Variants in TRIM67 observed in about 807,000 individuals in gnomAD.
The protein encoded by TRIM67 is tripartite motif containing 67, also known as tripartite motif-containing protein 67.
Under a neutral mutation model 71.0 loss-of-function variants are expected in TRIM67, and 39 were observed. That is an observed-to-expected ratio of 0.55 (90% confidence interval 0.43 to 0.72). The LOEUF is 0.72. Among genes scored for constraint, TRIM67 ranks in the 30% least tolerant of loss-of-function variants. The pLI, the probability that TRIM67 is intolerant of heterozygous loss-of-function variation, is 0.00. For synonymous variants in TRIM67, 481 were observed against 473.9 expected (o/e 1.01, Z -0.19); for missense variants, 973 against 1,079.2 (o/e 0.90, Z 1.38).
chr1:231,219,656 G>A lies in TRIM67; in HGVS notation c.*4216G>A, dbSNP rs1008443269. 81 of 1,147,620 alleles carry A rather than the reference G, an allele frequency of 7.1e-5. No individual in the cohort carries two copies. The highest frequency in any genetic ancestry group is 8.7e-5 in the Non-Finnish European group (80 of 922,056). The allele number at this position is 1,147,620 out of a possible 1,614,324, so 71.1% of individuals were successfully genotyped here. On this transcript the variant is annotated 3_prime_UTR_variant, in exon 10 of 10. Coordinates refer to ENST00000366653, the MANE Select transcript of TRIM67 (RefSeq NM_001004342.5). ...TTGTTTTCCTTGGCCACATTTTACT[G>A]GAAGCAACAGGAACTTCTTAATGGG...
intron 1 of TRIM67, 81 bp from the exon 2 acceptor site, chr1:231,197,284 TATAAAC>T: frequency 1.8e-6 from 2 of 1,134,758 alleles, no homozygotes; most frequent in Middle Eastern, 2.0e-4. Flanking sequence ...TATCCCCTCT[TATAAAC>T]ATAAGCTTTT....
At chr1:231,197,694 G>C (rs537133952) in intron 2 of TRIM67, among the ~76,000 whole-genome samples, 2 of 152,266 alleles carry the variant, frequency 1.3e-5, no homozygotes, top group East Asian at 1.9e-4. Context: ...GCGTGGTGGC[G>C]CATGCCTGTA....
At chr1:231,202,049 AGTCATGGAGGAGGAGATGGAGG>A in intron 5 of TRIM67, among the ~76,000 whole-genome samples, 5 of 146,750 alleles carry the variant, frequency 3.4e-5, no homozygotes, top group African/African-American at 5.1e-5. Context: ...TGGAGGAGGT[AGTCATGGAGGAGGAGATGGAGG>A]AGGAGGAGGT....
intron 1 of TRIM67, chr1:231,187,526 G>GAGGGGC: frequency 6.5e-7 from 1 of 1,532,100 alleles, no homozygotes; most frequent in Non-Finnish European, 8.7e-7. Flanking sequence ...CCTTAGCACT[G>GAGGGGC]AGGGGCAGAT....
At chr1:231,193,550 C>CTCTCTCTCTCTCTCTCTCTCT (rs58450029) in intron 1 of TRIM67, among the ~76,000 whole-genome samples, 4 of 142,570 alleles carry the variant, frequency 2.8e-5, no homozygotes, top group African/African-American at 5.2e-5. Context: ...CTCTCTCTCT[C>CTCTCTCTCTCTCTCTCTCTCT]CTCTTGGTGC....
chr1:231,219,841 G>T lies in TRIM67; in HGVS notation c.*4401G>T. 7.8e-7 allele frequency: 1 copy of T among 1,287,178 alleles called. No individual in the cohort carries two copies. The allele number at this position is 1,287,178 out of a possible 1,614,324, so 79.7% of individuals were successfully genotyped here. On this transcript the variant is annotated 3_prime_UTR_variant, in exon 10 of 10. Coordinates refer to ENST00000366653, the MANE Select transcript of TRIM67 (RefSeq NM_001004342.5). ...TGGCAGTTCCTCCCAGAAGATCAAA[G>T]GATCCTGCAGCTTTAACCTAATATC...
chr1:231,208,143 G>A (rs980423824), intron 7 of TRIM67, among the ~76,000 whole-genome samples: 2 of 151,400 alleles, frequency 1.3e-5, no homozygotes, highest in African/African-American at 4.9e-5. Flanking sequence ...CAAGCAGCTG[G>A]GACTATAGGC....
intron 1 of TRIM67, among the ~76,000 whole-genome samples, chr1:231,174,693 C>T (rs935524721): frequency 1.3e-5 from 2 of 152,164 alleles, no homozygotes; most frequent in Non-Finnish European, 2.9e-5. Context: ...GCCTGTGTCT[C>T]TTTTCTCTAT....
chr1:231,212,762 C>T (rs902675005), intron 8 of TRIM67, among the ~76,000 whole-genome samples: 4 of 152,112 alleles, frequency 2.6e-5, no homozygotes, highest in Non-Finnish European at 4.4e-5. Context: ...CTGCAGGATT[C>T]GGCCCATGGG....
Position 231,163,577 on chromosome 1 carries a change from C to A in TRIM67, c.608C>A (p.Ala203Glu). 1 of 1,514,304 alleles carries A rather than the reference C, an allele frequency of 6.6e-7. No homozygotes were observed. The highest frequency in any genetic ancestry group is 2.6e-5 in the East Asian group (1 of 37,850). The allele number at this position is 1,514,304 out of a possible 1,614,324, so 93.8% of individuals were successfully genotyped here. A position where few individuals can be genotyped will look rare whatever the true frequency, so the allele number is the denominator to read the frequency against. Reference protein sequence around the residue: ...RGAVPGTSAAAAVAICQLCDR... With the variant: ...RGAVPGTSAAEAVAICQLCDR... The stretch of plus-strand genomic sequence containing the variant: ...GCCGTGCCGGGGACGTCTGCAGCCG[C>A]GGCGGTGGCCATCTGCCAGCTGTGC... The change falls in exon 1 of 10, where the codon GCG (alanine) becomes GAG (glutamate). Residue 203 changes from alanine (A) to glutamate (E), a missense_variant. This residue lies in a region of TRIM67 where 795 missense variants were observed against 831.3 expected (regional missense o/e 0.96). Transcript: ENST00000366653.
At chr1:231,204,745 C>G (rs920539951) in intron 6 of TRIM67, among the ~76,000 whole-genome samples, 27 of 152,300 alleles carry the variant, frequency 1.8e-4, no homozygotes, top group African/African-American at 6.5e-4. Flanking sequence ...TCCAACAAAC[C>G]ACTGCAATCA....
chr1:231,211,531 A>C (rs1201040801), intron 8 of TRIM67, among the ~76,000 whole-genome samples: 2 of 152,106 alleles, frequency 1.3e-5, no homozygotes, highest in South Asian at 2.1e-4. Context: ...TAGCATCAAC[A>C]GTGCGGTTTT....
In TRIM67 at chr1:231,213,201, C is replaced by T. The variant is rs1683920613; in HGVS notation, c.2124-614C>T. Reference sequence around the variant, plus strand: ...CCTTTCTTACCCATTCTCCATGCTCCACAGTTTCAAATGGGACCTTCTCAT... The same window carrying T: ...CCTTTCTTACCCATTCTCCATGCTCTACAGTTTCAAATGGGACCTTCTCAT... On this transcript the variant is annotated intron_variant, in intron 8 of 9. Transcript: ENST00000366653. Among the ~76,000 whole-genome samples the T allele has an allele frequency of 2.0e-5, 3 of 152,220 alleles. No homozygotes were observed. The South Asian group carries it at 6.2e-4, about 32-fold the overall frequency.
chr1:231,168,890 T>C lies in TRIM67; in HGVS notation c.1044+4877T>C, dbSNP rs189239274. ...TAGGGAGAAGTGTTTCGTAAAAACT[T>C]TCCAGGGGGCCTGAAGTCTACAACT... On this transcript the variant is annotated intron_variant, in intron 1 of 9. Coordinates refer to ENST00000366653, the MANE Select transcript of TRIM67 (RefSeq NM_001004342.5). Among the ~76,000 whole-genome samples the C allele has an allele frequency of 4.7e-3, 718 of 152,292 alleles. 3 individuals are homozygous for C. Among genetic ancestry groups the C allele is most frequent in the South Asian group, 0.021 (100 of 4,814 alleles).
chr1:231,187,388 CT>C, intron 1 of TRIM67: 1 of 871,188 alleles, frequency 1.1e-6, no homozygotes, highest in Non-Finnish European at 1.7e-6. Flanking sequence ...GAGCCTCTAC[CT>C]TTTAATTTTT....
At chr1:231,202,096 T>TGGA (rs1186415565) in intron 5 of TRIM67, among the ~76,000 whole-genome samples, 1 of 532 alleles carries the variant, frequency 1.9e-3, no homozygotes, top group Non-Finnish European at 3.7e-3. Flanking sequence ...GCTAAGATAA[T>TGGA]GGAGGAGGAG....
intron 5 of TRIM67, among the ~76,000 whole-genome samples, chr1:231,202,174 A>T (rs1279728100): frequency 9.2e-5 from 14 of 152,152 alleles, no homozygotes; most frequent in Middle Eastern, 3.4e-3. Context: ...GTAGTGGAGG[A>T]GGAGGTGGAA....
At chr1:231,204,551 T>C (rs1683643714) in intron 6 of TRIM67, among the ~76,000 whole-genome samples, 1 of 152,130 alleles carries the variant, frequency 6.6e-6, no homozygotes, top group African/African-American at 2.4e-5. Context: ...CAGAAATGCA[T>C]CTTCTACTCC....
rs1172036693 is a variant in TRIM67, at chr1:231,163,562, G to C, written c.593G>C (p.Gly198Ala). The C allele has an allele frequency of 1.3e-6, 2 of 1,512,774 alleles. No homozygotes were observed. Among genetic ancestry groups the C allele is most frequent in the African/African-American group, 2.9e-5 (2 of 69,506 alleles). 93.7% of individuals were successfully genotyped at this position (1,512,774 alleles called of 1,614,324 possible). The change falls in exon 1 of 10, where the codon GGG becomes GCG. Residue 198 changes from glycine to alanine, a missense_variant. Physicochemically the swap from Gly to Ala is moderately conservative, Grantham distance 60. This residue lies in a region of TRIM67 where 795 missense variants were observed against 831.3 expected (regional missense o/e 0.96). Transcript: ENST00000366653. The part of the protein sequence containing the change: ...RYQQGRGAVP[G>A]TSAAAAVAIC... ...CAGCAGGGCCGCGGGGCCGTGCCGG[G>C]GACGTCTGCAGCCGCGGCGGTGGCC...
Sources: allele counts gnomAD v4.1 joint callset (sites outside exome capture counted in the v4.1 genomes callset), GRCh38; gene constraint gnomAD v4.1.1; regional missense constraint gnomAD v4.1.1; transcripts MANE v1.5; gene names NCBI Gene and HGNC (gene_info 2026-07-23, HGNC 2026-07-21).